The following RBFOX3 variants were observed in gnomAD, a reference collection of about 807,000 sequenced individuals.
RBFOX3 encodes RNA binding protein fox-1 homolog 3.
A neutral mutation model predicts 48.7 loss-of-function variants in RBFOX3; 17 were observed. The observed-to-expected ratio is 0.35, with a 90% CI of 0.24 to 0.52. RBFOX3 has a LOEUF of 0.52. Ranked by LOEUF, RBFOX3 falls within the 20% of genes least tolerant of loss-of-function variation. RBFOX3 has a pLI of 0.94. For missense variants in RBFOX3, 382 were observed against 497.5 expected, an observed-to-expected ratio of 0.77 and a Z score of 2.21; for synonymous variants, 212 against 209.5, an observed-to-expected ratio of 1.01 and a Z score of -0.10.
At chr17:79,126,375 C>T (rs939617154) in intron 4 of RBFOX3, among the ~76,000 whole-genome samples, 2 of 152,172 alleles carry the variant, frequency 1.3e-5, no homozygotes, top group African/African-American at 2.4e-5. Flanking sequence ...GGCAGGTACC[C>T]GATGTGAGCA....
the RBFOX3 span, among the ~76,000 whole-genome samples, chr17:79,634,761 A>G: frequency 6.6e-6 from 1 of 152,002 alleles, no homozygotes; most frequent in Non-Finnish European, 1.5e-5. Flanking sequence ...CTTTCCTTCC[A>G]TTTCCTCAAT....
chr17:79,493,748 T>G (rs2081037914), intron 1 of RBFOX3, among the ~76,000 whole-genome samples: 1 of 152,204 alleles, frequency 6.6e-6, no homozygotes, highest in East Asian at 1.9e-4. Flanking sequence ...ATATCCTAGT[T>G]TCTCTATATT....
chr17:79,299,146 C>T lies in RBFOX3; in HGVS notation c.-74+8578G>A, dbSNP rs1290771090. 9.6e-6 allele frequency among the ~76,000 whole-genome samples: 1 copy of T among 104,548 alleles called. No individual in the cohort carries two copies. Among genetic ancestry groups the T allele is most frequent in the African/African-American group, 3.8e-5 (1 of 26,432 alleles). 68.6% of individuals were successfully genotyped at this position (104,548 alleles called of 152,430 possible). ...AAATAAGAGGCCAGGTGTGGTATCT[C>T]GGTGCTGGCAAAACAGAGGCCAGAG... On this transcript the variant is annotated intron_variant, in intron 3 of 14. Transcript: ENST00000693108. This position sits in a 1 kb window ranked among gnomAD's most constrained non-coding sequence, Gnocchi z 4.5.
chr17:79,537,558 T>C (rs1279478472), intron 1 of RBFOX3, among the ~76,000 whole-genome samples: 1 of 152,194 alleles, frequency 6.6e-6, no homozygotes, highest in African/African-American at 2.4e-5. Flanking sequence ...TGGGCCATGC[T>C]AGACACACAA....
intron 5 of RBFOX3, among the ~76,000 whole-genome samples, chr17:79,110,802 G>A (rs138734888): frequency 1.1e-3 from 175 of 152,330 alleles, no homozygotes; most frequent in African/African-American, 4.0e-3. Context: ...CCTCTGCACC[G>A]TGGCACGGGC....
At chr17:79,512,579 A>G (rs1273167677) in intron 1 of RBFOX3, among the ~76,000 whole-genome samples, 3 of 134,874 alleles carry the variant, frequency 2.2e-5, no homozygotes, top group South Asian at 2.5e-4. Flanking sequence ...ACCCAGATAC[A>G]TGTTACCATC....
rs2086271696 is a variant in RBFOX3, at chr17:79,361,153, GTCACCCTC to G, written c.-174-53337_-174-53330del. 6.6e-6 allele frequency among the ~76,000 whole-genome samples: 1 copy of G among 152,112 alleles called. No homozygotes were observed. Among genetic ancestry groups the G allele is most frequent in the African/African-American group, 2.4e-5 (1 of 41,406 alleles). On this transcript the variant is annotated intron_variant, in intron 2 of 14. Coordinates refer to ENST00000693108, the MANE Select transcript of RBFOX3 (RefSeq NM_001350451.2). This position sits in a 1 kb window ranked among gnomAD's most constrained non-coding sequence, Gnocchi z 4.5. ...GTTTGAAAGAGGGTGACAGACAGCT[GTCACCCTC>G]CCTCTGCTAACATCAGGCTGTTCCC...
rs1423033347 is a variant in RBFOX3, at chr17:79,205,216, G to A, written c.-34+30550C>T. ...GTCCTGGGGAAGGGGACTAGCAGAA[G>A]TTTTGCAGGCAGGAGGATACATGGT... On this transcript the variant is annotated intron_variant, in intron 4 of 14. Coordinates refer to ENST00000693108, the MANE Select transcript of RBFOX3 (RefSeq NM_001350451.2). The surrounding 1 kb of genome is among the most constrained non-coding windows in gnomAD (Gnocchi z 4.5). Among the ~76,000 whole-genome samples the A allele has an allele frequency of 6.6e-6, 1 of 152,170 alleles. No homozygotes were observed. Among genetic ancestry groups the A allele is most frequent in the Non-Finnish European group, 1.5e-5 (1 of 68,036 alleles).
chr17:79,657,707 G>A, the RBFOX3 span, among the ~76,000 whole-genome samples: 187 of 151,686 alleles, frequency 1.2e-3, no homozygotes, highest in African/African-American at 4.4e-3. Flanking sequence ...TGGACACCTG[G>A]AGCACCCAAC....
chr17:79,558,692 G>A (rs1364443563), intron 1 of RBFOX3, among the ~76,000 whole-genome samples: 1 of 152,162 alleles, frequency 6.6e-6, no homozygotes, highest in Non-Finnish European at 1.5e-5. Context: ...CCTGCCTTGC[G>A]GGGATTGGGT....
intron 2 of RBFOX3, among the ~76,000 whole-genome samples, chr17:79,355,061 C>T (rs2147102645): frequency 6.6e-6 from 1 of 152,316 alleles, no homozygotes; most frequent in South Asian, 2.1e-4. Flanking sequence ...CTTTATAGCC[C>T]CACACGGGAT....
intron 4 of RBFOX3, among the ~76,000 whole-genome samples, chr17:79,168,119 G>T (rs1418306303): frequency 1.3e-5 from 2 of 152,154 alleles, no homozygotes; most frequent in East Asian, 3.9e-4. Context: ...GGAGCCCAGA[G>T]GGCTCTGATG....
chr17:79,331,926 G>T (rs2080369856), intron 2 of RBFOX3, among the ~76,000 whole-genome samples: 1 of 152,202 alleles, frequency 6.6e-6, no homozygotes, highest in Non-Finnish European at 1.5e-5. Context: ...GGGCCAGCCT[G>T]GTCCTCTTGG....
chr17:79,471,347 G>A lies in RBFOX3; in HGVS notation c.-175+11107C>T, dbSNP rs576226135. ...CATTTTGCAAAGAGCGTGCAGGGCC[G>A]GGCAAAATACTAAATAATTCAAAAA... On this transcript the variant is annotated intron_variant, in intron 2 of 14. Coordinates refer to ENST00000693108, the MANE Select transcript of RBFOX3 (RefSeq NM_001350451.2). The surrounding 1 kb of genome is among the most constrained non-coding windows in gnomAD (Gnocchi z 4.0). 1.3e-5 allele frequency among the ~76,000 whole-genome samples: 2 copies of A among 152,160 alleles called. No homozygotes were observed. The highest frequency in any genetic ancestry group is 6.5e-5 in the Admixed American group (1 of 15,276).
At chr17:79,403,053 C>A (rs1040894990) in intron 2 of RBFOX3, among the ~76,000 whole-genome samples, 3 of 152,130 alleles carry the variant, frequency 2.0e-5, no homozygotes, top group Middle Eastern at 3.2e-3. Context: ...AACCCCTGGA[C>A]CTTTTCTCAT....
At chr17:79,112,596 G>C (rs1371131430) in intron 5 of RBFOX3, among the ~76,000 whole-genome samples, 1 of 152,138 alleles carries the variant, frequency 6.6e-6, no homozygotes, top group Non-Finnish European at 1.5e-5. Flanking sequence ...ATCAGCCCCA[G>C]GTCCTAGAAC....
rs1043431287 is a variant in RBFOX3, at chr17:79,205,401, C to G, written c.-34+30365G>C. Among the ~76,000 whole-genome samples the G allele has an allele frequency of 1.3e-5, 2 of 152,204 alleles. No individual in the cohort carries two copies. Among genetic ancestry groups the G allele is most frequent in the Middle Eastern group, 6.8e-3 (2 of 294 alleles). ...CCCATCCTGTGGTTTGTTCTCTGGT[C>G]TCTGAGTCTGCATTTGGATGGCTAC... On this transcript the variant is annotated intron_variant, in intron 4 of 14. Coordinates refer to ENST00000693108, the MANE Select transcript of RBFOX3 (RefSeq NM_001350451.2). This position sits in a 1 kb window ranked among gnomAD's most constrained non-coding sequence, Gnocchi z 4.5.
intron 3 of RBFOX3, among the ~76,000 whole-genome samples, chr17:79,262,987 TA>T (rs2066046559): frequency 6.6e-6 from 1 of 152,214 alleles, no homozygotes; most frequent in Non-Finnish European, 1.5e-5. Flanking sequence ...CTGCAGCTGG[TA>T]AGGCCTCAGC....
In RBFOX3 at chr17:79,156,868, G is replaced by A. The variant is rs535008311; in HGVS notation, c.-33-41120C>T. Among the ~76,000 whole-genome samples, 41 of 152,290 alleles carry A rather than the reference G, an allele frequency of 2.7e-4. No homozygotes were observed. In the South Asian group the frequency reaches 7.7e-3, roughly 29 times the overall value. ...GGAACTGGCCCTTCTCAGGAGTCCC[G>A]GGAGGAAACGGCATGCTGGCAGGCG... is the stretch of plus-strand genomic sequence containing the variant. On this transcript the variant is annotated intron_variant, in intron 4 of 14. Coordinates refer to ENST00000693108, the MANE Select transcript of RBFOX3 (RefSeq NM_001350451.2).
Sources: gnomAD v4.1 joint callset for allele counts (sites outside exome capture counted in the v4.1 genomes callset) on GRCh38, gnomAD v4.1.1 for gene constraint, Gnocchi (gnomAD v3.1) non-coding constraint, MANE v1.5 for transcripts, NCBI Gene and HGNC (gene_info 2026-07-23, HGNC 2026-07-21) for gene names.